Variants in SLC35D1 observed in about 807,000 individuals in gnomAD.
SLC35D1 encodes nucleotide sugar transporter SLC35D1.
Under a neutral mutation model 46.7 loss-of-function variants are expected in SLC35D1, and 31 were observed. The observed-to-expected ratio is 0.66, with a 90% CI of 0.50 to 0.90. The LOEUF (loss-of-function observed/expected upper bound fraction) is 0.90, where lower values mean the gene tolerates loss of function less well. Among genes scored for constraint, SLC35D1 ranks in the 40% least tolerant of loss-of-function variants. The probability of loss-of-function intolerance (pLI) is 0.00; values close to 1 mark genes in which losing one functional copy is unlikely to be tolerated. For missense variants in SLC35D1, 397 were observed against 426.2 expected (o/e 0.93, Z 0.60); for synonymous variants, 195 against 164.6 (o/e 1.18, Z -1.41).
At chr1:67,051,728 TA>T (rs1203540117) in intron 4 of SLC35D1, among the ~76,000 whole-genome samples, 1 of 152,082 alleles carries the variant, frequency 6.6e-6, no homozygotes, top group Non-Finnish European at 1.5e-5. Flanking sequence ...AGAAAAATAA[TA>T]AAAATTTCCT....
In SLC35D1 at chr1:67,000,894, T is replaced by G. The variant is rs1479188812; in HGVS notation, c.*3446A>C. On this transcript the variant is annotated 3_prime_UTR_variant, in exon 12 of 12. Coordinates refer to ENST00000235345, the MANE Select transcript of SLC35D1 (RefSeq NM_015139.3). ...ATGAGTTACAAAAGTCCTCTCGGAT[T>G]AAAAAAATGCTTTAGCTCTGTGGGG... 1 of 152,228 alleles carries G rather than the reference T, an allele frequency of 6.6e-6. No homozygotes were observed. Among genetic ancestry groups the G allele is most frequent in the Non-Finnish European group, 1.5e-5 (1 of 68,002 alleles). The allele number at this position is 152,228 out of a possible 1,614,324, so 9.4% of individuals were successfully genotyped here.
At chr1:66,977,116 T>C in the SLC35D1 span, among the ~76,000 whole-genome samples, 8 of 151,896 alleles carry the variant, frequency 5.3e-5, no homozygotes, top group Admixed American at 4.6e-4. Context: ...TAATCTTCTT[T>C]TTTTTTTTTT....
intron 7 of SLC35D1, among the ~76,000 whole-genome samples, chr1:67,043,185 C>A (rs1175464448): frequency 3.0e-5 from 4 of 132,534 alleles, no homozygotes; most frequent in Non-Finnish European, 5.0e-5. Flanking sequence ...CAGAGTGAGA[C>A]ACTCCATCTC....
intron 10 of SLC35D1, among the ~76,000 whole-genome samples, chr1:67,010,647 C>G (rs774314384): frequency 6.6e-6 from 1 of 152,156 alleles, no homozygotes; most frequent in African/African-American, 2.4e-5. Context: ...TTCCATTACA[C>G]TTACCAGTTG....
Position 67,004,390 on chromosome 1 carries a change from G to T in SLC35D1, c.1018C>A (p.Gln340Lys). 3 of 1,614,092 alleles carry T rather than the reference G, an allele frequency of 1.9e-6. No homozygotes were observed. The highest frequency in any genetic ancestry group is 2.5e-6 in the Non-Finnish European group (3 of 1,179,974). The change falls in exon 12 of 12, where the codon CAG becomes AAG. Residue 340 changes from glutamine to lysine, a missense_variant. Physicochemically the swap from Gln to Lys is moderately conservative, Grantham distance 53. Coordinates refer to ENST00000235345, the MANE Select transcript of SLC35D1 (RefSeq NM_015139.3). Reference protein sequence around the residue: ...ITFTEEQLSKQSEANNKLDIK... With the variant: ...ITFTEEQLSKKSEANNKLDIK... Reference sequence around the variant, plus strand: ...TCCAGCTTGTTATTAGCCTCTGACTGTTTGCTCAGCTGCTCTTCAGTGAAA... The same window carrying T: ...TCCAGCTTGTTATTAGCCTCTGACTTTTTGCTCAGCTGCTCTTCAGTGAAA...
intron 8 of SLC35D1, among the ~76,000 whole-genome samples, chr1:67,038,642 C>T (rs1570635298): frequency 6.6e-6 from 1 of 152,182 alleles, no homozygotes; most frequent in Non-Finnish European, 1.5e-5. Context: ...GATGTCCACT[C>T]TGCCTTTATC....
chr1:67,043,093 G>A (rs929051977), intron 7 of SLC35D1, among the ~76,000 whole-genome samples: 3 of 152,092 alleles, frequency 2.0e-5, no homozygotes, highest in Admixed American at 1.3e-4. Context: ...TACTTGGGAG[G>A]CTGAGGCGGG....
intron 8 of SLC35D1, among the ~76,000 whole-genome samples, chr1:67,023,068 T>C (rs1667845007): frequency 6.6e-6 from 1 of 152,234 alleles, no homozygotes; most frequent in Non-Finnish European, 1.5e-5. Context: ...ACAATTTGTT[T>C]ATCCAAACAC....
chr1:67,029,391 T>C (rs1218457503), intron 8 of SLC35D1, among the ~76,000 whole-genome samples: 1 of 152,210 alleles, frequency 6.6e-6, no homozygotes, highest in Non-Finnish European at 1.5e-5. Flanking sequence ...AACTCATGCA[T>C]ACAATCTCAT....
chr1:66,988,976 G>T, the SLC35D1 span, among the ~76,000 whole-genome samples: 1 of 152,164 alleles, frequency 6.6e-6, no homozygotes, highest in Non-Finnish European at 1.5e-5. Context: ...TCAAGAAAAT[G>T]AGTTTACCTT....
chr1:67,039,493 T>TTGCGTGTGTG (rs1668195202), intron 8 of SLC35D1, among the ~76,000 whole-genome samples: 1 of 148,666 alleles, frequency 6.7e-6, no homozygotes, highest in Non-Finnish European at 1.5e-5. Context: ...AGTGAAAAAA[T>TTGCGTGTGTG]TGTGTGTGTG....
At chr1:66,989,355 C>T in the SLC35D1 span, among the ~76,000 whole-genome samples, 1 of 152,206 alleles carries the variant, frequency 6.6e-6, no homozygotes, top group Non-Finnish European at 1.5e-5. Context: ...TGTTGTTCTG[C>T]ACACTGACTG....
chr1:67,028,779 T>G (rs1218845803), intron 8 of SLC35D1, among the ~76,000 whole-genome samples: 1 of 152,208 alleles, frequency 6.6e-6, no homozygotes, highest in African/African-American at 2.4e-5. Context: ...TCTATACGCT[T>G]CATCTTGGAC....
At chr1:66,987,918 A>G in the SLC35D1 span, 1 of 151,442 alleles carries the variant, frequency 6.6e-6, no homozygotes, top group South Asian at 2.1e-4. Flanking sequence ...ACCTCCATTC[A>G]CTCTGTTTCT....
intron 8 of SLC35D1, among the ~76,000 whole-genome samples, chr1:67,033,834 T>G (rs888035085): frequency 1.3e-4 from 20 of 152,324 alleles, no homozygotes; most frequent in Admixed American, 9.8e-4. Context: ...TAGATAAGTC[T>G]TTAATCCATT....
intron 11 of SLC35D1, among the ~76,000 whole-genome samples, chr1:67,005,436 C>A (rs867142833): frequency 1.3e-5 from 2 of 152,170 alleles, no homozygotes; most frequent in Non-Finnish European, 2.9e-5. Context: ...CAGGCACTGG[C>A]GCTTGTTCTT....
chr1:67,024,080 G>C (rs2102290774), intron 8 of SLC35D1, among the ~76,000 whole-genome samples: 2 of 151,886 alleles, frequency 1.3e-5, no homozygotes. Flanking sequence ...AACTAGCTGG[G>C]ATTACAGGTG....
At chr1:66,985,814 A>ATT in the SLC35D1 span, 1,419 of 628,154 alleles carry the variant, frequency 2.3e-3, 1 homozygote, top group South Asian at 4.2e-3. Context: ...GGATTATAAA[A>ATT]TTTTTTTTTT....
At chr1:66,998,941 A>C (rs528690736), downstream of SLC35D1, among the ~76,000 whole-genome samples, 1 of 152,302 alleles carries the variant, frequency 6.6e-6, no homozygotes, top group South Asian at 2.1e-4. Flanking sequence ...TAACACTACT[A>C]AACTGTATGC....
Sources: allele counts gnomAD v4.1 joint callset (sites outside exome capture counted in the v4.1 genomes callset), GRCh38; gene constraint gnomAD v4.1.1; transcripts MANE v1.5; gene names NCBI Gene and HGNC (gene_info 2026-07-23, HGNC 2026-07-21).